Variants in ANAPC10 observed in about 807,000 individuals in gnomAD.
ANAPC10 encodes the protein anaphase-promoting complex subunit 10.
In ANAPC10, 12 loss-of-function variants were observed where a neutral mutation model predicts 22.0. The observed-to-expected ratio is 0.55, with a 90% CI of 0.35 to 0.88. The LOEUF (loss-of-function observed/expected upper bound fraction) is 0.88. ANAPC10 is among the 40% of genes least tolerant of loss of function. ANAPC10 has a pLI of 0.01. For missense variants in ANAPC10, 188 were observed against 220.9 expected (o/e 0.85, Z 0.94); for synonymous variants, 65 against 69.5 (o/e 0.94, Z 0.32).
intron 2 of ANAPC10, among the ~76,000 whole-genome samples, chr4:145,082,854 A>C (rs1219021777): frequency 6.6e-6 from 1 of 152,214 alleles, no homozygotes; most frequent in African/African-American, 2.4e-5. Context: ...TCAGTTTTAC[A>C]CTAAGTAATA....
chr4:145,084,718 C>T (rs543338757), intron 2 of ANAPC10, among the ~76,000 whole-genome samples: 56 of 152,160 alleles, frequency 3.7e-4, no homozygotes, highest in African/African-American at 1.3e-3. Flanking sequence ...CTGCACTGTC[C>T]AATACGGTAG....
intron 4 of ANAPC10, among the ~76,000 whole-genome samples, chr4:145,055,897 G>C (rs1463617384): frequency 2.6e-5 from 4 of 152,160 alleles, no homozygotes; most frequent in African/African-American, 9.7e-5. Context: ...AATGGTTCAG[G>C]TGGTAAATTT....
At chr4:145,049,354 T>C (rs940679521) in intron 4 of ANAPC10, among the ~76,000 whole-genome samples, 3 of 152,228 alleles carry the variant, frequency 2.0e-5, no homozygotes, top group African/African-American at 7.2e-5. Context: ...GCAATGCCAC[T>C]TAATAGCATT....
intron 3 of ANAPC10, among the ~76,000 whole-genome samples, chr4:145,067,157 G>A (rs1743825670): frequency 6.6e-6 from 1 of 152,054 alleles, no homozygotes; most frequent in African/African-American, 2.4e-5. Context: ...TTTATCTCAT[G>A]ATGAATTTTA....
At chr4:145,085,712 T>C (rs1297662787) in intron 2 of ANAPC10, among the ~76,000 whole-genome samples, 1 of 152,152 alleles carries the variant, frequency 6.6e-6, no homozygotes, top group Non-Finnish European at 1.5e-5. Flanking sequence ...TTAGTCTAAA[T>C]CTTTATGTCT....
intron 2 of ANAPC10, among the ~76,000 whole-genome samples, chr4:145,086,466 G>A (rs1465576887): frequency 6.6e-6 from 1 of 152,172 alleles, no homozygotes; most frequent in African/African-American, 2.4e-5. Flanking sequence ...TCCTGAACCA[G>A]CAGCATCATT....
chr4:145,022,629 C>T (rs1224969092), intron 4 of ANAPC10, among the ~76,000 whole-genome samples: 1 of 151,848 alleles, frequency 6.6e-6, no homozygotes, highest in Middle Eastern at 3.2e-3. Flanking sequence ...CTAAACATCA[C>T]CTGTACTCCA....
chr4:145,031,643 C>G (rs1378739313), intron 4 of ANAPC10, among the ~76,000 whole-genome samples: 1 of 152,178 alleles, frequency 6.6e-6, no homozygotes, highest in Admixed American at 6.5e-5. Context: ...GCTGCTCTGC[C>G]ACTTGGGCCA....
At chr4:145,041,307 T>A (rs559168164) in intron 4 of ANAPC10, among the ~76,000 whole-genome samples, 1 of 152,372 alleles carries the variant, frequency 6.6e-6, no homozygotes, top group South Asian at 2.1e-4. Context: ...GAACTAACTC[T>A]ATTACTTACA....
At chr4:145,094,501 T>A (rs2126666847) in intron 2 of ANAPC10, among the ~76,000 whole-genome samples, 1 of 152,222 alleles carries the variant, frequency 6.6e-6, no homozygotes, top group South Asian at 2.1e-4. Context: ...AAGAAAGTGC[T>A]CATAGAAAGA....
intron 4 of ANAPC10, among the ~76,000 whole-genome samples, chr4:145,011,429 C>G (rs1734304384): frequency 6.7e-6 from 1 of 150,250 alleles, no homozygotes; most frequent in Non-Finnish European, 1.5e-5. Context: ...GCCAATGCCC[C>G]TGCTGAGAAT....
intron 4 of ANAPC10, among the ~76,000 whole-genome samples, chr4:145,014,625 C>T (rs978971986): frequency 2.6e-5 from 4 of 152,140 alleles, no homozygotes; most frequent in Non-Finnish European, 5.9e-5. Context: ...CCTGGCAGGA[C>T]AACCAGCACA....
At chr4:145,080,258 C>A (rs1055383189) in intron 3 of ANAPC10, among the ~76,000 whole-genome samples, 1 of 152,008 alleles carries the variant, frequency 6.6e-6, no homozygotes, top group African/African-American at 2.4e-5. Flanking sequence ...ATACTTACTA[C>A]CTGGATGACG....
intron 2 of ANAPC10, among the ~76,000 whole-genome samples, chr4:145,091,115 G>T (rs1345212492): frequency 2.6e-5 from 4 of 152,156 alleles, no homozygotes; most frequent in African/African-American, 7.2e-5. Context: ...TTGCACTACT[G>T]AACTTCATGA....
rs974307638 is a variant in ANAPC10 at position 145,046,197 on chromosome 4, C to T, written c.327+18375G>A. ...ATATTTGTGCAATTAGGATAGACAG[C>T]GCTTTCTTGAAAATACTGGCTTGGC... On this transcript the variant is annotated intron_variant, in intron 4 of 4. Coordinates refer to ENST00000507656, the MANE Select transcript of ANAPC10 (RefSeq NM_001256706.2). Among the ~76,000 whole-genome samples, 7 of 152,132 alleles carry T rather than the reference C, an allele frequency of 4.6e-5. No homozygotes were observed. In the South Asian group the frequency reaches 8.3e-4, roughly 18 times the overall value.
chr4:145,079,197 C>G (rs1196871031), intron 3 of ANAPC10, among the ~76,000 whole-genome samples: 1 of 152,002 alleles, frequency 6.6e-6, no homozygotes, highest in Non-Finnish European at 1.5e-5. Flanking sequence ...AAAAGCAACT[C>G]TATTAAAAAA....
In ANAPC10 at chr4:145,014,306, G is replaced by C. The variant is rs1734781482; in HGVS notation, c.328-18703C>G. ...TGTGTGGAAGCTGGGTAAGGCCTGT[G>C]ATTGCTGGCTTTCCCCCACTTCCCT... is the stretch of plus-strand genomic sequence containing the variant. On this transcript the variant is annotated intron_variant, in intron 4 of 4. Coordinates refer to ENST00000507656, the MANE Select transcript of ANAPC10 (RefSeq NM_001256706.2). Among the ~76,000 whole-genome samples the C allele has an allele frequency of 3.3e-5, 5 of 152,036 alleles. No homozygotes were observed. In the South Asian group the frequency reaches 1.0e-3, roughly 32 times the overall value.
intron 3 of ANAPC10, among the ~76,000 whole-genome samples, chr4:145,078,489 A>G (rs1459686122): frequency 1.3e-5 from 2 of 152,208 alleles, no homozygotes; most frequent in East Asian, 3.8e-4. Flanking sequence ...TATTCCAATC[A>G]AACTACTGAC....
chr4:145,062,068 GA>G lies in ANAPC10; in HGVS notation c.327+2503del, dbSNP rs796106126. 4.2e-3 allele frequency among the ~76,000 whole-genome samples: 524 copies of G among 124,234 alleles called. 2 individuals carry two copies. The highest frequency in any genetic ancestry group is 0.01 in the African/African-American group (342 of 33,860). 81.5% of individuals were successfully genotyped at this position (124,234 alleles called of 152,430 possible). ...ACAGAGCAAGACTCTGTCAAAAAAA[GA>G]AAAAAAAAAAAGATTATGATAAAAA... On this transcript the variant is annotated intron_variant, in intron 4 of 4. Transcript: ENST00000507656.
Sources: allele counts gnomAD v4.1 joint callset (sites outside exome capture counted in the v4.1 genomes callset), GRCh38; gene constraint gnomAD v4.1.1; transcripts MANE v1.5; gene names NCBI Gene and HGNC (gene_info 2026-07-23, HGNC 2026-07-21).